ZNF281: variants seen among roughly 807,000 people sequenced by gnomAD.
ZNF281 encodes the protein GC-box-binding zinc finger protein 1.
A neutral mutation model predicts 58.8 loss-of-function variants in ZNF281; 2 were observed. That is an observed-to-expected ratio of 0.03 (90% confidence interval 0.01 to 0.11). ZNF281 has a LOEUF of 0.11. Among genes scored for constraint, ZNF281 ranks in the 10% least tolerant of loss-of-function variants. The pLI is 1.00. For missense variants in ZNF281, 975 were observed against 1,090.7 expected, an observed-to-expected ratio of 0.89 and a Z score of 1.49; for synonymous variants, 465 against 407.7, an observed-to-expected ratio of 1.14 and a Z score of -1.69.
In ZNF281 at chr1:200,409,262, GTGGTGGTGGTGA is replaced by G. The variant is rs556529338; in HGVS notation, c.432_443del (p.His145_His148del). 3.9e-5 allele frequency: 63 copies of G among 1,613,588 alleles called. No homozygotes were observed. The highest frequency in any genetic ancestry group is 1.5e-4 in the Admixed American group (9 of 59,938). On this transcript the variant is annotated inframe_deletion, in exon 2 of 2. Coordinates refer to ENST00000367353, the MANE Select transcript of ZNF281 (RefSeq NM_001281293.2). ...CAGCTCCAGCGAACAGCCCCCCATA[GTGGTGGTGGTGA>G]TGGTGGTGGTGGGACTGCTGCTCCT...
At position 200,409,381 on chromosome 1, in the gene ZNF281, C is replaced by T. The variant is rs1260074141; in HGVS notation, c.325G>A (p.Ala109Thr). Residue 109 changes from alanine (A) to threonine (T), a missense_variant, in exon 2 of 2, where the codon GCG becomes ACG. Ala to Thr is a moderately conservative substitution (Grantham distance 58, BLOSUM62 0). Coordinates refer to ENST00000367353, the MANE Select transcript of ZNF281 (RefSeq NM_001281293.2). ...TFKKEPAASA[A>T]AFPSQRTSWG... ...GAGGTCCTCTGCGAGGGGAAGGCCG[C>T]GGCTGACGCCGCCGGCTCCTTCTTG... 6.6e-7 allele frequency: 1 copy of T among 1,523,878 alleles called. No individual in the cohort carries two copies. The highest frequency in any genetic ancestry group is 2.2e-5 in the Admixed American group (1 of 45,618). 94.4% of individuals were successfully genotyped at this position (1,523,878 alleles called of 1,614,324 possible).
Position 200,406,854 on chromosome 1 carries a change from CAG to C in ZNF281, c.*162_*163del, listed in dbSNP as rs201032582. 17,050 of 587,018 alleles carry C rather than the reference CAG, an allele frequency of 0.029. 315 individuals are homozygous for C. Among genetic ancestry groups the C allele is most frequent in the Middle Eastern group, 0.047 (100 of 2,116 alleles). The allele number at this position is 587,018 out of a possible 1,614,324, so 36.4% of individuals were successfully genotyped here. The stretch of plus-strand genomic sequence containing the variant: ...TTTTGATTAAAAATCATAATACAAA[CAG>C]AGCTAAAATCACGCTAACAAAATAA... On this transcript the variant is annotated 3_prime_UTR_variant, in exon 2 of 2. Coordinates refer to ENST00000367353, the MANE Select transcript of ZNF281 (RefSeq NM_001281293.2).
In ZNF281 at chr1:200,408,043, T is replaced by C. The variant is rs755116213; in HGVS notation, c.1663A>G (p.Ile555Val). Residue 555 changes from isoleucine to valine, a missense_variant, in exon 2 of 2, where the codon ATA becomes GTA. Physicochemically the swap from Ile to Val is conservative, Grantham distance 29. This residue lies in a region of ZNF281 where 579 missense variants were observed against 608.9 expected (regional missense o/e 0.95). Transcript: ENST00000367353. ...PTASSNSAFS[I>V]NVGHMVSQQS... The stretch of plus-strand genomic sequence containing the variant: ...TGGGAGACCATGTGTCCTACGTTTA[T>C]AGAAAAGGCACTGTTGCTGCTGGCA... 3.7e-6 allele frequency: 6 copies of C among 1,614,130 alleles called. No homozygotes were observed. The South Asian group carries it at 4.4e-5, about 12-fold the overall frequency.
Position 200,409,619 on chromosome 1 carries a change from G to A in ZNF281, c.87C>T (p.Gly29=), listed in dbSNP as rs1187411230. The A allele has an allele frequency of 1.3e-6, 2 of 1,548,726 alleles. No homozygotes were observed. Among genetic ancestry groups the A allele is most frequent in the Admixed American group, 2.0e-5 (1 of 51,114 alleles). The change falls in exon 2 of 2, where the codon GGC becomes GGT. Residue 29 remains glycine (G), a synonymous_variant. Coordinates refer to ENST00000367353, the MANE Select transcript of ZNF281 (RefSeq NM_001281293.2). ...TGCCGCTGCTGCCGCCGCCGCCGCCGCCGCCACTACCACCGCCGCCGGAGC... is the reference window on the plus strand; with the variant it reads ...TGCCGCTGCTGCCGCCGCCGCCGCCACCGCCACTACCACCGCCGCCGGAGC... ...GSGSGGGGSG[G]GGGGGSSGRR...
At position 200,409,253 on chromosome 1, in the gene ZNF281, C is replaced by T. The variant is rs115938286; in HGVS notation, c.453G>A (p.Gly151=). ...HHHHHHHHYG[G]LFAGAEERSP... is the part of the protein sequence containing the mutation. ...ACCTCTCTTCAGCTCCAGCGAACAG[C>T]CCCCCATAGTGGTGGTGGTGATGGT... The change falls in exon 2 of 2, where the codon GGG becomes GGA. Residue 151 remains glycine (G), a synonymous_variant. Coordinates refer to ENST00000367353, the MANE Select transcript of ZNF281 (RefSeq NM_001281293.2). The T allele has an allele frequency of 8.7e-4, 1,411 of 1,613,350 alleles. 12 individuals carry two copies. In the African/African-American group the frequency reaches 0.017, roughly 19 times the overall value.
At position 200,408,127 on chromosome 1, in the gene ZNF281, T is replaced by C. The variant is rs761524397; in HGVS notation, c.1579A>G (p.Ile527Val). Residue 527 changes from isoleucine (I) to valine (V), a missense_variant, in exon 2 of 2, where the codon ATA becomes GTA. Physicochemically the swap from Ile to Val is conservative, Grantham distance 29. Coordinates refer to ENST00000367353, the MANE Select transcript of ZNF281 (RefSeq NM_001281293.2). ...ATGGCATCATCATAATTACTACTTA[T>C]CTGACCTTGTTTGCCACTTGTACTT... ...LQSTSGKQGQ[I>V]SSNYDDAMQF... The C allele has an allele frequency of 4.3e-6, 7 of 1,614,178 alleles. No homozygotes were observed. The highest frequency in any genetic ancestry group is 4.2e-6 in the Non-Finnish European group (5 of 1,180,044).
rs1654563350 is a variant in ZNF281 at position 200,409,612 on chromosome 1, C to CGCCGCCGCCGCCACT, written c.79_93dup (p.Ser27_Gly31dup). 2 of 1,548,170 alleles carry CGCCGCCGCCGCCACT rather than the reference C, an allele frequency of 1.3e-6. No individual in the cohort carries two copies. Among genetic ancestry groups the CGCCGCCGCCGCCACT allele is most frequent in the Admixed American group, 2.0e-5 (1 of 50,970 alleles). On this transcript the variant is annotated inframe_insertion, in exon 2 of 2. Coordinates refer to ENST00000367353, the MANE Select transcript of ZNF281 (RefSeq NM_001281293.2). ...GCCCTCCTGCCGCTGCTGCCGCCGCCGCCGCCGCCGCCACTACCACCGCCG... is the reference window on the plus strand; with the variant it reads ...GCCCTCCTGCCGCTGCTGCCGCCGCCGCCGCCGCCGCCACTGCCGCCGCCGCCACTACCACCGCCG...
rs1571695999 is a variant in ZNF281 at position 200,409,088 on chromosome 1, G to A, written c.618C>T (p.His206=). 3 of 1,614,056 alleles carry A rather than the reference G, an allele frequency of 1.9e-6. No individual in the cohort carries two copies. The highest frequency in any genetic ancestry group is 1.3e-5 in the African/African-American group (1 of 74,918). ...LLSSSSRTDD[H]HGTEEPKQDT... is the part of the protein sequence containing the mutation. ...CCTGCTTTGGCTCCTCAGTGCCATGGTGGTCATCAGTCCTGCTACTGCTGC... is the reference window on the plus strand; with the variant it reads ...CCTGCTTTGGCTCCTCAGTGCCATGATGGTCATCAGTCCTGCTACTGCTGC... Residue 206 remains histidine, a synonymous_variant, in exon 2 of 2, where the codon CAC becomes CAT. Transcript: ENST00000367353.
rs750939909 is a variant in ZNF281, at chr1:200,409,711, G to A, written c.-6C>T. The A allele has an allele frequency of 1.9e-6, 3 of 1,594,072 alleles. No homozygotes were observed. Among genetic ancestry groups the A allele is most frequent in the Non-Finnish European group, 2.6e-6 (3 of 1,172,784 alleles). The stretch of plus-strand genomic sequence containing the variant: ...AACCCACTGCCGATTTTCATACCCC[G>A]GAGGAGGCCTGGCTGAAGAAAGGAG... On this transcript the variant is annotated 5_prime_UTR_variant, in exon 2 of 2. Coordinates refer to ENST00000367353, the MANE Select transcript of ZNF281 (RefSeq NM_001281293.2).
chr1:200,409,430 A>G lies in ZNF281; in HGVS notation c.276T>C (p.Pro92=), dbSNP rs1023549933. 4.8e-6 allele frequency: 7 copies of G among 1,460,506 alleles called. No homozygotes were observed. In the East Asian group the frequency reaches 1.4e-4, roughly 29 times the overall value. 90.5% of individuals were successfully genotyped at this position (1,460,506 alleles called of 1,614,324 possible). A position where few individuals can be genotyped will look rare whatever the true frequency, so the allele number is the denominator to read the frequency against. The stretch of plus-strand genomic sequence containing the variant: ...TGAAAGTCATGTCCGGGGCTGGCGG[A>G]GGGGGGGGCTCAGCGGCCGGGGCTG... ...TSAAPAAEPP[P]PPAPDMTFKK... is the part of the protein sequence containing the mutation. The change falls in exon 2 of 2, where the codon CCT becomes CCC. Residue 92 remains proline (P), a synonymous_variant. Coordinates refer to ENST00000367353, the MANE Select transcript of ZNF281 (RefSeq NM_001281293.2).
At position 200,408,055 on chromosome 1, in the gene ZNF281, T is replaced by C. The variant is rs772274097; in HGVS notation, c.1651A>G (p.Ser551Gly). 5 of 1,614,216 alleles carry C rather than the reference T, an allele frequency of 3.1e-6. No individual in the cohort carries two copies. Among genetic ancestry groups the C allele is most frequent in the Non-Finnish European group, 4.2e-6 (5 of 1,180,024 alleles). The change falls in exon 2 of 2, where the codon AGT becomes GGT. Residue 551 changes from serine to glycine, a missense_variant. By Grantham distance (56) the Ser-to-Gly change is moderately conservative (BLOSUM62 0). This residue lies in a region of ZNF281 where 579 missense variants were observed against 608.9 expected (regional missense o/e 0.95). Coordinates refer to ENST00000367353, the MANE Select transcript of ZNF281 (RefSeq NM_001281293.2). ...TGTCCTACGTTTATAGAAAAGGCAC[T>C]GTTGCTGCTGGCAGTTGGTAAATAT... is the stretch of plus-strand genomic sequence containing the variant. ...RRYLPTASSN[S>G]AFSINVGHMV...
rs753701509 is a variant in ZNF281, at chr1:200,407,664, T to G, written c.2042A>C (p.Asn681Thr). The change falls in exon 2 of 2, where the codon AAT (asparagine) becomes ACT (threonine). Residue 681 changes from asparagine to threonine, a missense_variant. Transcript: ENST00000367353. ...YLQQAFEKST[N>T]ASFTLGHGFQ... ...ACCGTGTCCAAGAGTAAAACTTGCA[T>G]TAGTGGATTTTTCAAAAGCCTGTTG... The G allele has an allele frequency of 6.2e-7, 1 of 1,614,162 alleles. No homozygotes were observed. The highest frequency in any genetic ancestry group is 8.5e-7 in the Non-Finnish European group (1 of 1,179,998).
In ZNF281 at chr1:200,406,694, G is replaced by GT. The variant is rs1470756928; in HGVS notation, c.*323dup. The GT allele has an allele frequency of 0.026, 4,422 of 168,558 alleles. 57 individuals carry two copies. The highest frequency in any genetic ancestry group is 0.055 in the African/African-American group (2,096 of 38,452). 10.4% of individuals were successfully genotyped at this position (168,558 alleles called of 1,614,324 possible). ...CCTAGCAACAAAGTTTTTTTTGTAGGTTTTTTTTTTTTGGTTTTTTTTTGT... is the reference window on the plus strand; with the variant it reads ...CCTAGCAACAAAGTTTTTTTTGTAGGTTTTTTTTTTTTTGGTTTTTTTTTGT... On this transcript the variant is annotated 3_prime_UTR_variant, in exon 2 of 2. Transcript: ENST00000367353.
rs926776648 is a variant in ZNF281 at position 200,407,200 on chromosome 1, C to T, written c.2506G>A (p.Gly836Ser). ...CTGCTGCCCGACTTAAACTGAGAAC[C>T]AAACGCTTGTGCAAAGTTCTCAATC... Reference protein sequence around the residue: ...YQIENFAQAFGSQFKSGSRVP... With the variant: ...YQIENFAQAFSSQFKSGSRVP... The change falls in exon 2 of 2, where the codon GGT becomes AGT. Residue 836 changes from glycine (G) to serine (S), a missense_variant. Gly to Ser is a moderately conservative substitution (Grantham distance 56). Transcript: ENST00000367353. The T allele has an allele frequency of 1.2e-6, 2 of 1,614,186 alleles. No individual in the cohort carries two copies. The highest frequency in any genetic ancestry group is 2.2e-5 in the East Asian group (1 of 44,892).
Position 200,408,181 on chromosome 1 carries a change from T to C in ZNF281, c.1525A>G (p.Asn509Asp). Residue 509 changes from asparagine to aspartate, a missense_variant, in exon 2 of 2, where the codon AAT (asparagine) becomes GAT (aspartate). By Grantham distance (23) the Asn-to-Asp change is conservative. Around this residue, in one of 3 missense-constraint regions of ZNF281, gnomAD observed 579 missense variants for 608.9 expected, o/e 0.95. Coordinates refer to ENST00000367353, the MANE Select transcript of ZNF281 (RefSeq NM_001281293.2). Reference sequence around the variant, plus strand: ...AGAAGACCAATGGTCTCCACACTATTATTTGATACTATGCCAAGTGAGCCA... The same window carrying C: ...AGAAGACCAATGGTCTCCACACTATCATTTGATACTATGCCAAGTGAGCCA... ...PSGSLGIVSN[N>D]SVETIGLLQS... is the part of the protein sequence containing the mutation. The C allele has an allele frequency of 1.2e-6, 2 of 1,613,914 alleles. No individual in the cohort carries two copies. The highest frequency in any genetic ancestry group is 1.7e-6 in the Non-Finnish European group (2 of 1,180,036).
chr1:200,409,604 GC>G lies in ZNF281; in HGVS notation c.101del (p.Gly34AlafsTer65). 1 of 1,542,494 alleles carries G rather than the reference GC, an allele frequency of 6.5e-7. No individual in the cohort carries two copies. Among genetic ancestry groups the G allele is most frequent in the East Asian group, 2.5e-5 (1 of 40,562 alleles). On this transcript the variant is annotated frameshift_variant, in exon 2 of 2. Coordinates refer to ENST00000367353, the MANE Select transcript of ZNF281 (RefSeq NM_001281293.2). LOFTEE classifies it high-confidence loss of function. ...CCATCTCTGCCCTCCTGCCGCTGCT[GC>G]CGCCGCCGCCGCCGCCGCCACTACC... is the stretch of plus-strand genomic sequence containing the variant. ...GGGSGGGGGG[G>X]SSGRRAEMEP...
rs1183525332 is a variant in ZNF281, at chr1:200,406,993, C to CTCCA, written c.*21_*24dup. On this transcript the variant is annotated 3_prime_UTR_variant, in exon 2 of 2. Transcript: ENST00000367353. ...ATAAAACAAAATTACATTAGAAGAC[C>CTCCA]TCCAGCCTGGCCACTTTTGGGACCT... 3 of 1,580,082 alleles carry CTCCA rather than the reference C, an allele frequency of 1.9e-6. No individual in the cohort carries two copies. The highest frequency in any genetic ancestry group is 2.6e-6 in the Non-Finnish European group (3 of 1,165,488).
rs769694240 is a variant in ZNF281, at chr1:200,409,191, C to T, written c.515G>A (p.Gly172Asp). ...GLGGGEGGSH[G>D]VIQDLSILHQ... ...GAGAATACTGAGGTCCTGGATGACG[C>T]CGTGACTCCCCCCTTCACCGCCTCC... Residue 172 changes from glycine to aspartate, a missense_variant, in exon 2 of 2, where the codon GGC (glycine) becomes GAC (aspartate). This residue lies in a region of ZNF281 where 370 missense variants were observed against 360.9 expected (regional missense o/e 1.03). Transcript: ENST00000367353. The T allele has an allele frequency of 6.2e-7, 1 of 1,614,004 alleles. No individual in the cohort carries two copies. The highest frequency in any genetic ancestry group is 2.2e-5 in the East Asian group (1 of 44,884).
chr1:200,407,658 C>T lies in ZNF281; in HGVS notation c.2048G>A (p.Ser683Asn), dbSNP rs141205697. The T allele has an allele frequency of 2.0e-4, 315 of 1,614,052 alleles. No individual in the cohort carries two copies. Among genetic ancestry groups the T allele is most frequent in the Non-Finnish European group, 2.2e-4 (263 of 1,180,032 alleles). ...QQAFEKSTNA[S>N]FTLGHGFQFV... The stretch of plus-strand genomic sequence containing the variant: ...TTGGAAACCGTGTCCAAGAGTAAAA[C>T]TTGCATTAGTGGATTTTTCAAAAGC... The change falls in exon 2 of 2, where the codon AGT becomes AAT. Residue 683 changes from serine (S) to asparagine (N), a missense_variant. By Grantham distance (46) the Ser-to-Asn change is conservative. Coordinates refer to ENST00000367353, the MANE Select transcript of ZNF281 (RefSeq NM_001281293.2).
Sources: allele counts gnomAD v4.1 joint callset, GRCh38; gene constraint gnomAD v4.1.1; regional missense constraint gnomAD v4.1.1; transcripts MANE v1.5; gene names NCBI Gene and HGNC (gene_info 2026-07-23, HGNC 2026-07-21).